Variants in VPS13B observed in about 807,000 individuals in gnomAD.
VPS13B encodes the protein vacuolar protein sorting 13 homolog B, also known as intermembrane lipid transfer protein VPS13B.
A neutral mutation model predicts 426.4 loss-of-function variants in VPS13B; 285 were observed. That is an observed-to-expected ratio of 0.67 (90% CI 0.61 to 0.74). The LOEUF (loss-of-function observed/expected upper bound fraction) is 0.74. Among genes scored for constraint, VPS13B ranks in the 30% least tolerant of loss-of-function variants. The probability of loss-of-function intolerance (pLI) is 0.00; values close to 1 mark genes in which losing one functional copy is unlikely to be tolerated. For synonymous variants in VPS13B, 1,676 were observed against 1,676.4 expected, an observed-to-expected ratio of 1.00 and a Z score of 0.01; for missense variants, 4,537 against 4,782.6, an observed-to-expected ratio of 0.95 and a Z score of 1.51.
At chr8:99,240,126 T>A (rs1463051145) in intron 17 of VPS13B, among the ~76,000 whole-genome samples, 1 of 152,200 alleles carries the variant, frequency 6.6e-6, no homozygotes, top group Non-Finnish European at 1.5e-5. Flanking sequence ...GCATTCAAGC[T>A]CATTTTCTAA....
At chr8:99,715,294 C>A (rs565381693) in intron 36 of VPS13B, among the ~76,000 whole-genome samples, 36 of 152,236 alleles carry the variant, frequency 2.4e-4, no homozygotes, top group South Asian at 8.3e-4. Context: ...TGGAACATGT[C>A]CTGAATAGCT....
chr8:99,026,123 G>C (rs1587929440), intron 2 of VPS13B, among the ~76,000 whole-genome samples: 1 of 152,206 alleles, frequency 6.6e-6, no homozygotes, highest in East Asian at 1.9e-4. Context: ...TCAACTTCTT[G>C]ATACAACTGT....
At chr8:99,736,165 A>G (rs1833821851) in intron 39 of VPS13B, among the ~76,000 whole-genome samples, 1 of 152,196 alleles carries the variant, frequency 6.6e-6, no homozygotes, top group African/African-American at 2.4e-5. Flanking sequence ...GAAAGTTACG[A>G]ATTTAGTTTA....
intron 29 of VPS13B, among the ~76,000 whole-genome samples, chr8:99,518,951 C>T (rs1163494562): frequency 6.6e-6 from 1 of 151,936 alleles, no homozygotes; most frequent in African/African-American, 2.4e-5. Flanking sequence ...GATGGTAGTT[C>T]CTTGAGAGAA....
chr8:99,467,750 G>T, intron 24 of VPS13B, 116 bp downstream of exon 24: 2 of 1,119,556 alleles, frequency 1.8e-6, no homozygotes, highest in Non-Finnish European at 2.6e-6. Context: ...TTTTTAACTT[G>T]GCCATCAAGA....
At chr8:99,554,538 G>A (rs576336272) in intron 30 of VPS13B, among the ~76,000 whole-genome samples, 1 of 151,786 alleles carries the variant, frequency 6.6e-6, no homozygotes, top group South Asian at 2.1e-4. Context: ...GCATTTACCT[G>A]TTGCTAGATA....
chr8:99,273,722 TGCAGAGC>T (rs1391913648), intron 17 of VPS13B, among the ~76,000 whole-genome samples: 6 of 306 alleles, frequency 0.02, no homozygotes, highest in Non-Finnish European at 0.037. Flanking sequence ...AGGCAGAGCT[TGCAGAGC>T]TTGCAGTGAG....
chr8:99,780,035 G>A (rs1216307564), intron 42 of VPS13B, among the ~76,000 whole-genome samples: 1 of 152,030 alleles, frequency 6.6e-6, no homozygotes, highest in Admixed American at 6.6e-5. Flanking sequence ...CAAGACCAAG[G>A]AATTAATTAC....
chr8:99,737,558 A>G (rs1474278605), intron 39 of VPS13B, among the ~76,000 whole-genome samples: 2 of 152,196 alleles, frequency 1.3e-5, no homozygotes, highest in African/African-American at 4.8e-5. Flanking sequence ...TTACTCTTAT[A>G]AAATAGTTTT....
chr8:99,683,325 A>G (rs999071408), intron 35 of VPS13B, among the ~76,000 whole-genome samples: 1 of 152,170 alleles, frequency 6.6e-6, no homozygotes, highest in African/African-American at 2.4e-5. Flanking sequence ...TGTTTTGGTT[A>G]TTCTTGTTCC....
At chr8:99,237,886 T>TA (rs1240354516) in intron 17 of VPS13B, among the ~76,000 whole-genome samples, 1 of 138,070 alleles carries the variant, frequency 7.2e-6, no homozygotes, top group South Asian at 2.3e-4. Context: ...TTTTTTTTTT[T>TA]AATTAAGAAT....
intron 43 of VPS13B, among the ~76,000 whole-genome samples, chr8:99,802,506 T>C (rs1469535188): frequency 6.6e-6 from 1 of 152,162 alleles, no homozygotes; most frequent in Non-Finnish European, 1.5e-5. Context: ...ATAGTTGTAA[T>C]ACAAAATTTG....
intron 35 of VPS13B, among the ~76,000 whole-genome samples, chr8:99,667,069 G>A (rs1830518094): frequency 6.6e-6 from 1 of 152,148 alleles, no homozygotes; most frequent in Non-Finnish European, 1.5e-5. Context: ...TTAAGTAAAT[G>A]AATTGAAATA....
rs1339795522 is a variant in VPS13B, at chr8:99,329,654, A to C, written c.2824+54400A>C. ...TGAGCCATCAGCTGTAGTGGATTACATTAAACATAACCACTAAGCATTCTC... is the reference window on the plus strand; with the variant it reads ...TGAGCCATCAGCTGTAGTGGATTACCTTAAACATAACCACTAAGCATTCTC... On this transcript the variant is annotated intron_variant, in intron 19 of 61. Coordinates refer to ENST00000357162, the MANE Select transcript of VPS13B (RefSeq NM_152564.5). Among the ~76,000 whole-genome samples, 6 of 152,118 alleles carry C rather than the reference A, an allele frequency of 3.9e-5. No individual in the cohort carries two copies. The East Asian group carries it at 7.7e-4, about 20-fold the overall frequency.
intron 35 of VPS13B, among the ~76,000 whole-genome samples, chr8:99,664,461 T>G (rs1830379494): frequency 6.6e-6 from 1 of 151,782 alleles, no homozygotes; most frequent in African/African-American, 2.4e-5. Flanking sequence ...ATGCTATCCC[T>G]CCCCCTGACC....
intron 2 of VPS13B, among the ~76,000 whole-genome samples, chr8:99,014,407 C>T (rs1487730872): frequency 2.6e-5 from 4 of 151,872 alleles, no homozygotes; most frequent in South Asian, 4.1e-4. Flanking sequence ...CGTGAGCCAC[C>T]GCGCCCGGCC....
At chr8:99,766,155 C>T (rs1321768159) in intron 39 of VPS13B, among the ~76,000 whole-genome samples, 1 of 142,178 alleles carries the variant, frequency 7.0e-6, no homozygotes, top group Non-Finnish European at 1.5e-5. Context: ...CCGCTGCTCA[C>T]TGCAATCTCT....
intron 24 of VPS13B, among the ~76,000 whole-genome samples, chr8:99,473,210 A>G (rs912399429): frequency 6.6e-6 from 1 of 152,080 alleles, no homozygotes; most frequent in Non-Finnish European, 1.5e-5. Context: ...AAAAGAAGGA[A>G]ACTAGGTATT....
At chr8:99,525,916 G>A (rs1822614402) in intron 30 of VPS13B, among the ~76,000 whole-genome samples, 1 of 152,186 alleles carries the variant, frequency 6.6e-6, no homozygotes, top group African/African-American at 2.4e-5. Context: ...GGAGCATTGG[G>A]TGCCAGGGGA....
Sources: gnomAD v4.1 joint callset for allele counts (sites outside exome capture counted in the v4.1 genomes callset) on GRCh38, gnomAD v4.1.1 for gene constraint, MANE v1.5 for transcripts, NCBI Gene and HGNC (gene_info 2026-07-23, HGNC 2026-07-21) for gene names.